FOXK2: variants seen among roughly 807,000 people sequenced by gnomAD.
The protein encoded by FOXK2 is forkhead box K2.
A neutral mutation model predicts 53.3 loss-of-function variants in FOXK2; 24 were observed. The observed-to-expected ratio is 0.45, with a 90% CI of 0.33 to 0.63. The LOEUF (loss-of-function observed/expected upper bound fraction) is 0.63. FOXK2 is among the 30% of genes least tolerant of loss of function. The pLI is 0.03. For synonymous variants in FOXK2, 505 were observed against 407.1 expected (o/e 1.24, Z -2.89); for missense variants, 952 against 910.5 (o/e 1.05, Z -0.59).
At position 82,546,113 on chromosome 17, in the gene FOXK2, G is replaced by GTTTTTTTTT. The variant is rs1282305641; in HGVS notation, c.420-17241_420-17240insTTTTTTTTT. 3.1e-5 allele frequency among the ~76,000 whole-genome samples: 3 copies of GTTTTTTTTT among 97,970 alleles called. 1 individual carries two copies. The highest frequency in any genetic ancestry group is 8.0e-5 in the African/African-American group (2 of 24,960). 64.3% of individuals were successfully genotyped at this position (97,970 alleles called of 152,430 possible). On this transcript the variant is annotated intron_variant, in intron 1 of 8. Coordinates refer to ENST00000335255, the MANE Select transcript of FOXK2 (RefSeq NM_004514.4). ...TGCTTACTTGCTACCAAGCATGGTTGGTTTTTTTTTTTTTTTTTTTTGAGA... is the reference window on the plus strand; with the variant it reads ...TGCTTACTTGCTACCAAGCATGGTTGTTTTTTTTTGTTTTTTTTTTTTTTTTTTTTGAGA...
intron 8 of FOXK2, among the ~76,000 whole-genome samples, chr17:82,592,595 T>C (rs1278499777): frequency 6.6e-6 from 1 of 152,246 alleles, no homozygotes; most frequent in African/African-American, 2.4e-5. Flanking sequence ...TTCGCTTCTT[T>C]CGTTAACATT....
At chr17:82,563,664 T>C (rs1412130930) in intron 2 of FOXK2, 116 bp downstream of exon 2, 4 of 854,982 alleles carry the variant, frequency 4.7e-6, no homozygotes, top group Non-Finnish European at 6.8e-6. Flanking sequence ...TGAGGTGGTG[T>C]TTAAAATATC....
At chr17:82,538,535 C>T (rs1040092434) in intron 1 of FOXK2, among the ~76,000 whole-genome samples, 3 of 152,228 alleles carry the variant, frequency 2.0e-5, no homozygotes, top group African/African-American at 4.8e-5. Context: ...TTACCGTCCT[C>T]GCATTTGCCT....
chr17:82,596,909 G>A lies in FOXK2; in HGVS notation c.1787-4394G>A, dbSNP rs537615564. ...CTGTAGTCCTCCCGGGCTTGCTGAAGTGCTGCTCCAAGTTACAGTCCCCGG... is the reference window on the plus strand; with the variant it reads ...CTGTAGTCCTCCCGGGCTTGCTGAAATGCTGCTCCAAGTTACAGTCCCCGG... On this transcript the variant is annotated intron_variant, in intron 8 of 8. Coordinates refer to ENST00000335255, the MANE Select transcript of FOXK2 (RefSeq NM_004514.4). 2.3e-4 allele frequency among the ~76,000 whole-genome samples: 35 copies of A among 152,322 alleles called. 1 individual carries two copies. In the South Asian group the frequency reaches 7.0e-3, roughly 31 times the overall value.
rs1469550816 is a variant in FOXK2, at chr17:82,520,197, C to G, written c.309C>G (p.Pro103=). ...GAAPELPPAQ[P]RPDAGGDFYL... is the part of the protein sequence containing the mutation. ...CTCCGGAGCTGCCGCCCGCGCAGCC[C>G]AGGCCCGACGCCGGCGGCGACTTCT... Residue 103 remains proline, a synonymous_variant, in exon 1 of 9, where the codon CCC becomes CCG. Coordinates refer to ENST00000335255, the MANE Select transcript of FOXK2 (RefSeq NM_004514.4). 1.5e-6 allele frequency: 2 copies of G among 1,346,006 alleles called. No individual in the cohort carries two copies. The highest frequency in any genetic ancestry group is 1.5e-5 in the African/African-American group (1 of 64,756). 83.4% of individuals were successfully genotyped at this position (1,346,006 alleles called of 1,614,324 possible). A position where few individuals can be genotyped will look rare whatever the true frequency, so the allele number is the denominator to read the frequency against.
intron 8 of FOXK2, among the ~76,000 whole-genome samples, chr17:82,592,140 G>A (rs2045258750): frequency 6.6e-6 from 1 of 152,166 alleles, no homozygotes; most frequent in Non-Finnish European, 1.5e-5. Flanking sequence ...CCTGGACTCT[G>A]GTGATCCTCT....
Position 82,526,347 on chromosome 17 carries a change from G to A in FOXK2, c.419+6040G>A, listed in dbSNP as rs114172455. ...CTTGGCAATCAGGAAGTCTTGGGCA[G>A]CCTTTGAGAGGGCTGTTGTCTCCAG... On this transcript the variant is annotated intron_variant, in intron 1 of 8. Coordinates refer to ENST00000335255, the MANE Select transcript of FOXK2 (RefSeq NM_004514.4). 1.4e-3 allele frequency among the ~76,000 whole-genome samples: 216 copies of A among 152,302 alleles called. 1 individual carries two copies. The highest frequency in any genetic ancestry group is 5.1e-3 in the African/African-American group (210 of 41,558).
At chr17:82,536,837 C>G (rs181350363) in intron 1 of FOXK2, among the ~76,000 whole-genome samples, 1 of 152,200 alleles carries the variant, frequency 6.6e-6, no homozygotes, top group African/African-American at 2.4e-5. Flanking sequence ...TATGTTGGGA[C>G]TGTAATCTTC....
At chr17:82,575,915 C>T (rs571307285) in intron 4 of FOXK2, among the ~76,000 whole-genome samples, 16 of 150,344 alleles carry the variant, frequency 1.1e-4, no homozygotes, top group South Asian at 1.1e-3. Flanking sequence ...TCCACACCAG[C>T]GTGTGTGCTT....
intron 1 of FOXK2, among the ~76,000 whole-genome samples, chr17:82,524,168 G>C (rs1273753544): frequency 1.3e-5 from 2 of 152,150 alleles, no homozygotes; most frequent in African/African-American, 4.8e-5. Context: ...GGGATTATAG[G>C]TGTGAGCCAC....
chr17:82,580,341 C>T (rs1269817205), intron 4 of FOXK2, among the ~76,000 whole-genome samples: 2 of 84,312 alleles, frequency 2.4e-5, no homozygotes, highest in East Asian at 8.4e-4. Context: ...GCCCAGATCC[C>T]TCCCACACAT....
intron 4 of FOXK2, among the ~76,000 whole-genome samples, chr17:82,573,509 C>G (rs1336672969): frequency 6.6e-6 from 1 of 150,614 alleles, no homozygotes; most frequent in African/African-American, 2.4e-5. Flanking sequence ...TGAGGCTGTG[C>G]TTCAAACTAT....
In FOXK2 at chr17:82,585,942, C is replaced by G; in HGVS notation, c.1318C>G (p.Gln440Glu). Reference protein sequence around the residue: ...LSSQPVLITVQRQLPQAIKPV... With the variant: ...LSSQPVLITVERQLPQAIKPV... Reference sequence around the variant, plus strand: ...CAGTCAGCCAGTCTTAATCACCGTCCAGCGGCAGCTACCACAGGCCATCAA... The same window carrying G: ...CAGTCAGCCAGTCTTAATCACCGTCGAGCGGCAGCTACCACAGGCCATCAA... The change falls in exon 7 of 9, where the codon CAG (glutamine) becomes GAG (glutamate). Residue 440 changes from glutamine (Q) to glutamate (E), a missense_variant. Physicochemically the swap from Gln to Glu is conservative, Grantham distance 29. Around this residue, in one of 5 missense-constraint regions of FOXK2, gnomAD observed 551 missense variants for 385.1 expected, o/e 1.43. Transcript: ENST00000335255. 6.2e-7 allele frequency: 1 copy of G among 1,612,656 alleles called. No homozygotes were observed. The highest frequency in any genetic ancestry group is 8.5e-7 in the Non-Finnish European group (1 of 1,179,838).
intron 1 of FOXK2, among the ~76,000 whole-genome samples, chr17:82,537,837 C>A (rs977894281): frequency 3.3e-5 from 5 of 150,262 alleles, no homozygotes; most frequent in Admixed American, 3.3e-4. Context: ...CAGGAGAACC[C>A]CTTGAACCTG....
At chr17:82,555,480 A>G (rs1220445445) in intron 1 of FOXK2, among the ~76,000 whole-genome samples, 1 of 152,220 alleles carries the variant, frequency 6.6e-6, no homozygotes. Context: ...ACTGAACTCC[A>G]TAGAGAACCT....
chr17:82,523,031 G>A (rs2044381164), intron 1 of FOXK2, among the ~76,000 whole-genome samples: 1 of 152,184 alleles, frequency 6.6e-6, no homozygotes, highest in Non-Finnish European at 1.5e-5. Context: ...CTGACCTCGT[G>A]ATCCACCCGC....
At chr17:82,531,535 C>T (rs372557710) in intron 1 of FOXK2, among the ~76,000 whole-genome samples, 2 of 152,158 alleles carry the variant, frequency 1.3e-5, no homozygotes, top group Non-Finnish European at 2.9e-5. Context: ...CTAGATGACA[C>T]AGCCTGCTGC....
At position 82,522,481 on chromosome 17, in the gene FOXK2, G is replaced by T. The variant is rs141981769; in HGVS notation, c.419+2174G>T. Among the ~76,000 whole-genome samples the T allele has an allele frequency of 1.7e-4, 25 of 149,522 alleles. No homozygotes were observed. The East Asian group carries it at 4.9e-3, about 29-fold the overall frequency. ...CCTCCCGGGTTCACATCATTCTCCT[G>T]CCTCAGCCTCCCGAGTAGCTGAGAC... On this transcript the variant is annotated intron_variant, in intron 1 of 8. Transcript: ENST00000335255.
chr17:82,537,917 CAAAAAAA>C (rs568515827), intron 1 of FOXK2, among the ~76,000 whole-genome samples: 2 of 67,524 alleles, frequency 3.0e-5, no homozygotes, highest in Non-Finnish European at 6.1e-5. Context: ...ACTCTGTCTC[CAAAAAAA>C]AAAAAAAAAA....
Sources: gnomAD v4.1 joint callset for allele counts (sites outside exome capture counted in the v4.1 genomes callset) on GRCh38, gnomAD v4.1.1 for gene constraint, gnomAD v4.1.1 regional missense constraint, MANE v1.5 for transcripts, NCBI Gene and HGNC (gene_info 2026-07-23, HGNC 2026-07-21) for gene names.